Variants in GALNT13 observed in about 807,000 individuals in gnomAD.
GALNT13 encodes UDP-GalNAc:polypeptide N-acetylgalactosaminyltransferase 13.
GALNT13 carries 28 observed loss-of-function variants against 64.2 expected under a neutral mutation model. The observed-to-expected ratio is 0.44, with a 90% CI of 0.32 to 0.60. GALNT13 has a LOEUF of 0.60. Ranked by LOEUF, GALNT13 falls within the 20% of genes least tolerant of loss-of-function variation. GALNT13 has a pLI of 0.05. For missense variants in GALNT13, 577 were observed against 669.8 expected (o/e 0.86, Z 1.53); for synonymous variants, 214 against 224.6 (o/e 0.95, Z 0.42).
the GALNT13 span, among the ~76,000 whole-genome samples, chr2:153,836,604 C>T: frequency 1.3e-5 from 2 of 151,308 alleles, no homozygotes; most frequent in Admixed American, 1.3e-4. Context: ...GTGTGCTGTA[C>T]CCATTAACTC....
the GALNT13 span, among the ~76,000 whole-genome samples, chr2:153,389,125 T>C: frequency 6.6e-6 from 1 of 152,084 alleles, no homozygotes; most frequent in Non-Finnish European, 1.5e-5. Context: ...ATAGAGTTGT[T>C]AATTTGCTAA....
chr2:154,239,678 A>T (rs569170088), intron 4 of GALNT13, among the ~76,000 whole-genome samples: 1 of 152,234 alleles, frequency 6.6e-6, no homozygotes, highest in Non-Finnish European at 1.5e-5. Context: ...CATGCCTTAC[A>T]TTTTTATTTT....
chr2:153,494,907 C>A, the GALNT13 span, among the ~76,000 whole-genome samples: 1 of 152,088 alleles, frequency 6.6e-6, no homozygotes, highest in South Asian at 2.1e-4. Flanking sequence ...TAAAAATGAA[C>A]AAACTATTTG....
rs181330368 is a variant in GALNT13 at position 153,973,709 on chromosome 2, C to T, written c.142+29070C>T. Among the ~76,000 whole-genome samples the T allele has an allele frequency of 2.0e-5, 3 of 152,034 alleles. No homozygotes were observed. In the East Asian group the frequency reaches 5.8e-4, roughly 29 times the overall value. On this transcript the variant is annotated intron_variant, in intron 3 of 12. Transcript: ENST00000392825. ...TTTCATATAGCAGGTACAGAACCAA[C>T]GTGAATGACTAAACTTTGATGTAGT...
At chr2:153,140,207 C>G in the GALNT13 span, among the ~76,000 whole-genome samples, 1 of 151,962 alleles carries the variant, frequency 6.6e-6, no homozygotes, top group South Asian at 2.1e-4. Context: ...ATTTTTTGAG[C>G]ACATAATGTA....
chr2:153,109,206 C>T, the GALNT13 span, among the ~76,000 whole-genome samples: 1 of 152,066 alleles, frequency 6.6e-6, no homozygotes, highest in Non-Finnish European at 1.5e-5. Flanking sequence ...GATGAAAAAA[C>T]TGAAACTCGA....
chr2:153,332,563 T>TTCCCTC, the GALNT13 span, among the ~76,000 whole-genome samples: 7 of 151,526 alleles, frequency 4.6e-5, no homozygotes, highest in African/African-American at 1.7e-4. Flanking sequence ...TTCTTTCCCT[T>TTCCCTC]TCCCTCTTAG....
chr2:154,145,100 C>CTATATATATATA (rs1553484442), intron 4 of GALNT13, among the ~76,000 whole-genome samples: 17 of 119,510 alleles, frequency 1.4e-4, no homozygotes, highest in East Asian at 5.4e-4. Flanking sequence ...ATCTATCTAT[C>CTATATATATATA]TATATATATA....
the GALNT13 span, among the ~76,000 whole-genome samples, chr2:153,820,428 T>C: frequency 6.6e-6 from 1 of 152,048 alleles, no homozygotes; most frequent in Non-Finnish European, 1.5e-5. Flanking sequence ...TAATGCAAAG[T>C]CACCAGGCTA....
intron 3 of GALNT13, among the ~76,000 whole-genome samples, chr2:154,084,306 G>T (rs529260733): frequency 6.6e-6 from 1 of 151,770 alleles, no homozygotes; most frequent in East Asian, 1.9e-4. Flanking sequence ...TACCAAACTG[G>T]TTCACAAGAT....
chr2:153,442,080 G>C, the GALNT13 span, among the ~76,000 whole-genome samples: 1 of 152,058 alleles, frequency 6.6e-6, no homozygotes. Context: ...ATTGGCTGTG[G>C]GTTTGTCATA....
chr2:154,047,464 T>G (rs1449660934), intron 3 of GALNT13, among the ~76,000 whole-genome samples: 2 of 152,170 alleles, frequency 1.3e-5, no homozygotes, highest in Non-Finnish European at 2.9e-5. Context: ...TGCTATGGTT[T>G]AAATCCTGGC....
intron 8 of GALNT13, among the ~76,000 whole-genome samples, chr2:154,272,261 A>T (rs1177202131): frequency 6.6e-6 from 1 of 152,040 alleles, no homozygotes; most frequent in Non-Finnish European, 1.5e-5. Flanking sequence ...ACCATGATAA[A>T]AACACTTTTG....
the GALNT13 span, among the ~76,000 whole-genome samples, chr2:153,260,943 G>A: frequency 6.6e-6 from 1 of 151,866 alleles, no homozygotes; most frequent in Non-Finnish European, 1.5e-5. Flanking sequence ...CTGTCTACAA[G>A]CTCACTAATT....
At chr2:153,771,461 A>T in the GALNT13 span, among the ~76,000 whole-genome samples, 1 of 151,942 alleles carries the variant, frequency 6.6e-6, no homozygotes, top group Non-Finnish European at 1.5e-5. Flanking sequence ...TACACCAAAA[A>T]CCTGGAGATA....
At chr2:153,544,442 T>C in the GALNT13 span, among the ~76,000 whole-genome samples, 2 of 152,228 alleles carry the variant, frequency 1.3e-5, no homozygotes, top group African/African-American at 4.8e-5. Flanking sequence ...ATGATGTCTT[T>C]GTTCCTTTCA....
chr2:154,138,710 TA>T (rs1045692984), intron 3 of GALNT13, among the ~76,000 whole-genome samples: 10 of 151,918 alleles, frequency 6.6e-5, no homozygotes, highest in African/African-American at 2.4e-4. Context: ...TTATGTAGAC[TA>T]AAAAATTTTT....
At chr2:153,789,803 C>T in the GALNT13 span, among the ~76,000 whole-genome samples, 1 of 152,214 alleles carries the variant, frequency 6.6e-6, no homozygotes, top group Non-Finnish European at 1.5e-5. Context: ...GATATGAACA[C>T]CTCTATGCAC....
chr2:153,407,660 G>A, the GALNT13 span, among the ~76,000 whole-genome samples: 3 of 152,106 alleles, frequency 2.0e-5, no homozygotes, highest in African/African-American at 7.2e-5. Flanking sequence ...GTTGTTTCTT[G>A]CCTGATCCTA....
Sources: allele counts gnomAD v4.1 joint callset (sites outside exome capture counted in the v4.1 genomes callset), GRCh38; gene constraint gnomAD v4.1.1; transcripts MANE v1.5; gene names NCBI Gene and HGNC (gene_info 2026-07-23, HGNC 2026-07-21).